EML6: variants seen among roughly 807,000 people sequenced by gnomAD.
EML6 encodes the protein echinoderm microtubule-associated protein-like 6.
Under a neutral mutation model 240.1 loss-of-function variants are expected in EML6, and 154 were observed. That is an observed-to-expected ratio of 0.64 (90% confidence interval 0.56 to 0.73). EML6 has a LOEUF of 0.73. Among genes scored for constraint, EML6 ranks in the 30% least tolerant of loss-of-function variants. EML6 has a pLI of 0.00. For missense variants in EML6, 2,964 were observed against 2,474.6 expected (o/e 1.20, Z -4.20); for synonymous variants, 1,148 against 899.0 (o/e 1.28, Z -4.95).
Position 54,959,152 on chromosome 2 carries a change from A to G in EML6, c.4744A>G (p.Lys1582Glu). The G allele has an allele frequency of 6.4e-7, 1 of 1,551,578 alleles. No individual in the cohort carries two copies. ...CATCAATGGAGATGTCTACGTCTGGAAGGACCACTTCCTCATCCGGCTGGT... is the reference window on the plus strand; with the variant it reads ...CATCAATGGAGATGTCTACGTCTGGGAGGACCACTTCCTCATCCGGCTGGT... ...GAINGDVYVW[K>E]DHFLIRLVAK... Residue 1582 changes from lysine to glutamate, a missense_variant, in exon 34 of 42, where the codon AAG becomes GAG. By Grantham distance (56) the Lys-to-Glu change is moderately conservative. Coordinates refer to ENST00000356458, the MANE Select transcript of EML6 (RefSeq NM_001039753.4).
At chr2:54,782,270 A>G (rs556262280) in intron 2 of EML6, among the ~76,000 whole-genome samples, 1 of 152,348 alleles carries the variant, frequency 6.6e-6, no homozygotes, top group Admixed American at 6.5e-5. Flanking sequence ...AATAGTAAAC[A>G]AAACCTTTAA....
Position 54,824,534 on chromosome 2 carries a change from T to A in EML6, c.526-3032T>A, listed in dbSNP as rs202107653. Among the ~76,000 whole-genome samples the A allele has an allele frequency of 3.3e-5, 5 of 152,312 alleles. No homozygotes were observed. The East Asian group carries it at 9.6e-4, about 29-fold the overall frequency. On this transcript the variant is annotated intron_variant, in intron 5 of 41. Coordinates refer to ENST00000356458, the MANE Select transcript of EML6 (RefSeq NM_001039753.4). ...CAGTCATAAATTGAGTGCAAAATCT[T>A]TGTACTCAAAGAAAATACTTTCATC...
At position 54,959,164 on chromosome 2, in the gene EML6, C is replaced by T. The variant is rs1676376373; in HGVS notation, c.4756C>T (p.Leu1586Phe). 4.5e-6 allele frequency: 7 copies of T among 1,551,674 alleles called. No homozygotes were observed. The highest frequency in any genetic ancestry group is 6.1e-6 in the Non-Finnish European group (7 of 1,146,988). ...GDVYVWKDHF[L>F]IRLVAKAHTG... ...TGTCTACGTCTGGAAGGACCACTTC[C>T]TCATCCGGCTGGTGGCCAAGGCTCA... The change falls in exon 34 of 42, where the codon CTC (leucine) becomes TTC (phenylalanine). Residue 1586 changes from leucine to phenylalanine, a missense_variant. Transcript: ENST00000356458.
rs984080187 is a variant in EML6, at chr2:54,953,984, G to A, written c.4314G>A (p.Gly1438=). Residue 1438 remains glycine (G), a splice_region_variant and synonymous_variant, in exon 32 of 42, where the codon GGG becomes GGA. Transcript: ENST00000356458. ...YRNVVATSQI[G]TTPSIHIWDA... is the part of the protein sequence containing the mutation. Reference sequence around the variant, plus strand: ...TTTGTCATGCCTCTCCACACTCAGGGACAACACCTTCCATCCACATATGGG... The same window carrying A: ...TTTGTCATGCCTCTCCACACTCAGGAACAACACCTTCCATCCACATATGGG... The A allele has an allele frequency of 6.5e-7, 1 of 1,550,332 alleles. No individual in the cohort carries two copies. Among genetic ancestry groups the A allele is most frequent in the South Asian group, 1.2e-5 (1 of 83,702 alleles).
At chr2:54,910,886 T>C in intron 24 of EML6, 68 bp from the exon 25 acceptor site, 1 of 764,064 alleles carries the variant, frequency 1.3e-6, no homozygotes. Flanking sequence ...GCACCCATGC[T>C]TCTCATTTTA....
Position 54,797,891 on chromosome 2 carries a change from GC to G in EML6, c.198-15340del, listed in dbSNP as rs572079266. Among the ~76,000 whole-genome samples, 33 of 152,016 alleles carry G rather than the reference GC, an allele frequency of 2.2e-4. No homozygotes were observed. The South Asian group carries it at 6.4e-3, about 30-fold the overall frequency. The stretch of plus-strand genomic sequence containing the variant: ...GCCAATAGCACATTGTCTTAATTTA[GC>G]TTTATATTAAATCAAGATTTAATAT... On this transcript the variant is annotated intron_variant, in intron 2 of 41. Transcript: ENST00000356458.
At chr2:54,868,964 TTC>T in intron 14 of EML6, 1 of 464,910 alleles carries the variant, frequency 2.2e-6, no homozygotes. Flanking sequence ...TGCTAACAGA[TTC>T]TGTTACAATG....
chr2:54,833,779 C>A (rs1437568610), intron 7 of EML6, among the ~76,000 whole-genome samples: 1 of 152,152 alleles, frequency 6.6e-6, no homozygotes, highest in Non-Finnish European at 1.5e-5. Context: ...TCTGTAGCAA[C>A]AACAACACAA....
chr2:54,877,702 C>T (rs547701419), intron 16 of EML6, among the ~76,000 whole-genome samples: 5 of 152,180 alleles, frequency 3.3e-5, no homozygotes, highest in South Asian at 4.1e-4. Context: ...TTTTGAAAGA[C>T]GTAGTTTATA....
intron 29 of EML6, among the ~76,000 whole-genome samples, chr2:54,949,282 A>G (rs543403624): frequency 1.3e-5 from 2 of 152,224 alleles, no homozygotes; most frequent in East Asian, 3.9e-4. Context: ...CCTTCCATGG[A>G]GAAGAAAGGA....
intron 37 of EML6, among the ~76,000 whole-genome samples, 169 bp from the exon 38 acceptor site, chr2:54,964,402 G>C (rs1461991245): frequency 1.3e-5 from 2 of 152,240 alleles, no homozygotes; most frequent in Non-Finnish European, 2.9e-5. Flanking sequence ...ATTCGATCCA[G>C]ATAAATTGTT....
In EML6 at chr2:54,808,393, TGTCGTCA is replaced by T. The variant is rs1383677242; in HGVS notation, c.198-4837_198-4831del. Among the ~76,000 whole-genome samples, 4 of 152,308 alleles carry T rather than the reference TGTCGTCA, an allele frequency of 2.6e-5. No individual in the cohort carries two copies. The East Asian group carries it at 7.7e-4, about 29-fold the overall frequency. On this transcript the variant is annotated intron_variant, in intron 2 of 41. Transcript: ENST00000356458. ...TCCCCAAAGCAGCAACCTCCCCTTC[TGTCGTCA>T]GACAATGCAACCTAATTTTGATGTG...
chr2:54,858,380 T>C (rs1432290521), intron 11 of EML6, among the ~76,000 whole-genome samples: 3 of 152,218 alleles, frequency 2.0e-5, no homozygotes, highest in Non-Finnish European at 2.9e-5. Flanking sequence ...TGCAAAGAGA[T>C]AGGCTAATTG....
chr2:54,814,594 C>G (rs969944246), intron 3 of EML6, among the ~76,000 whole-genome samples: 2 of 152,124 alleles, frequency 1.3e-5, no homozygotes, highest in Non-Finnish European at 2.9e-5. Flanking sequence ...TAATTTTTGA[C>G]AAGTTTCAGA....
At chr2:54,894,628 G>T (rs1175141083) in intron 19 of EML6, among the ~76,000 whole-genome samples, 1 of 152,168 alleles carries the variant, frequency 6.6e-6, no homozygotes, top group East Asian at 1.9e-4. Flanking sequence ...GGGAGACTGG[G>T]CACAAGCAGA....
chr2:54,750,080 T>G (rs1684090424), intron 2 of EML6, among the ~76,000 whole-genome samples: 1 of 152,308 alleles, frequency 6.6e-6, no homozygotes, highest in African/African-American at 2.4e-5. Context: ...GGAAGTACTT[T>G]GGCACAGAGC....
At position 54,850,120 on chromosome 2, in the gene EML6, A is replaced by G; in HGVS notation, c.1346A>G (p.Lys449Arg). 2 of 1,552,028 alleles carry G rather than the reference A, an allele frequency of 1.3e-6. No homozygotes were observed. Among genetic ancestry groups the G allele is most frequent in the Non-Finnish European group, 1.7e-6 (2 of 1,147,020 alleles). The change falls in exon 10 of 42, where the codon AAG becomes AGG. Residue 449 changes from lysine (K) to arginine (R), a missense_variant. By Grantham distance (26) the Lys-to-Arg change is conservative. Transcript: ENST00000356458. ...TATAAGAAAATTGGAGAATGCAGCA[A>G]GTCCCTTAGTTTCATCACGCATATT... The part of the protein sequence containing the change: ...QRYKKIGECS[K>R]SLSFITHIDW...
chr2:54,920,943 G>C (rs1674213869), intron 26 of EML6, among the ~76,000 whole-genome samples: 1 of 151,796 alleles, frequency 6.6e-6, no homozygotes, highest in African/African-American at 2.4e-5. Flanking sequence ...GAAAAGGATG[G>C]ACAAAATTCA....
intron 2 of EML6, among the ~76,000 whole-genome samples, chr2:54,793,822 C>T (rs77473212): frequency 0.013 from 1,949 of 152,270 alleles, 44 homozygotes; most frequent in African/African-American, 0.043. Flanking sequence ...GCCTGGAATG[C>T]AGCTGTGATG....
Sources: gnomAD v4.1 joint callset for allele counts (sites outside exome capture counted in the v4.1 genomes callset) on GRCh38, gnomAD v4.1.1 for gene constraint, MANE v1.5 for transcripts, NCBI Gene and HGNC (gene_info 2026-07-23, HGNC 2026-07-21) for gene names.